Variants in ELMO1 observed in about 807,000 individuals in gnomAD.
ELMO1 encodes the protein engulfment and cell motility protein 1.
ELMO1 carries 26 observed loss-of-function variants against 98.9 expected under a neutral mutation model. The ratio of observed to expected loss-of-function variants is 0.26; its 90% CI spans 0.19 to 0.36. ELMO1 has a LOEUF of 0.36. Ranked by LOEUF, ELMO1 falls within the 10% of genes least tolerant of loss-of-function variation. The pLI is 1.00. For missense variants in ELMO1, 627 were observed against 935.2 expected (o/e 0.67, Z 4.30); for synonymous variants, 346 against 346.0 (o/e 1.00, Z 0.00).
At chr7:37,288,183 C>T (rs897967911) in intron 4 of ELMO1, among the ~76,000 whole-genome samples, 11 of 151,254 alleles carry the variant, frequency 7.3e-5, no homozygotes. Flanking sequence ...GGGTCTCAAA[C>T]TCCTGACCTC....
chr7:36,958,540 T>C (rs567809054), intron 16 of ELMO1, among the ~76,000 whole-genome samples: 1 of 152,316 alleles, frequency 6.6e-6, no homozygotes, highest in African/African-American at 2.4e-5. Context: ...AGATAACTTC[T>C]GTAATCAGAC....
chr7:37,053,285 AACACACACACACACAC>A (rs59573752), intron 15 of ELMO1, among the ~76,000 whole-genome samples: 26 of 138,868 alleles, frequency 1.9e-4, no homozygotes, highest in Middle Eastern at 3.7e-3. Context: ...CATTTGTTAA[AACACACACACACACAC>A]ACACACACAC....
intron 1 of ELMO1, among the ~76,000 whole-genome samples, chr7:37,363,940 A>G (rs2131335206): frequency 6.6e-6 from 1 of 152,042 alleles, no homozygotes; most frequent in South Asian, 2.1e-4. Flanking sequence ...GCCTAGAAGG[A>G]CTCTAACCCC....
chr7:37,100,392 T>C (rs1272793298), intron 14 of ELMO1, among the ~76,000 whole-genome samples: 4 of 152,236 alleles, frequency 2.6e-5, no homozygotes, highest in Admixed American at 2.6e-4. Flanking sequence ...CTTGTCGCTC[T>C]TCTCCAATTG....
intron 18 of ELMO1, among the ~76,000 whole-genome samples, chr7:36,885,319 A>AAACAACAACAACAAC (rs143571798): frequency 4.0e-5 from 6 of 150,250 alleles, no homozygotes; most frequent in African/African-American, 1.5e-4. Context: ...AACATTTTTT[A>AAACAACAACAACAAC]AACAACAACA....
chr7:36,872,831 A>C (rs991004484), intron 19 of ELMO1, among the ~76,000 whole-genome samples: 9 of 152,240 alleles, frequency 5.9e-5, no homozygotes, highest in African/African-American at 1.9e-4. Context: ...ATAGAGTTTG[A>C]GTCACAAGTG....
intron 20 of ELMO1, among the ~76,000 whole-genome samples, chr7:36,863,964 T>G (rs900166180): frequency 6.6e-6 from 1 of 152,162 alleles, no homozygotes. Context: ...GCTTGAGAGA[T>G]TGAAGAAAGA....
chr7:37,390,376 C>A (rs566868165), intron 1 of ELMO1, among the ~76,000 whole-genome samples: 1 of 152,260 alleles, frequency 6.6e-6, no homozygotes, highest in African/African-American at 2.4e-5. Flanking sequence ...CAGAACTCCT[C>A]CCATCAAGTA....
At chr7:37,007,843 G>T (rs1478127252) in intron 16 of ELMO1, among the ~76,000 whole-genome samples, 1 of 151,960 alleles carries the variant, frequency 6.6e-6, no homozygotes, top group Admixed American at 6.6e-5. Flanking sequence ...CTGCTCTCCC[G>T]TTCTTCCTAA....
chr7:36,934,257 T>C (rs1786309515), intron 16 of ELMO1, among the ~76,000 whole-genome samples: 1 of 152,088 alleles, frequency 6.6e-6, no homozygotes, highest in Non-Finnish European at 1.5e-5. Context: ...ACCAAGACAA[T>C]GAGAGAGGCT....
chr7:36,943,979 G>T (rs1369059956), intron 16 of ELMO1, among the ~76,000 whole-genome samples: 1 of 152,150 alleles, frequency 6.6e-6, no homozygotes, highest in African/African-American at 2.4e-5. Flanking sequence ...ACATAAAAAT[G>T]ATCAAGAAAA....
At chr7:37,406,901 T>C (rs1299053099) in intron 1 of ELMO1, among the ~76,000 whole-genome samples, 1 of 152,184 alleles carries the variant, frequency 6.6e-6, no homozygotes. Context: ...ACTCTTCAGA[T>C]AGGCAAAGAT....
chr7:37,408,048 AT>A (rs1446546788), intron 1 of ELMO1, among the ~76,000 whole-genome samples: 5 of 152,234 alleles, frequency 3.3e-5, no homozygotes, highest in Non-Finnish European at 7.3e-5. Context: ...TGAATTTTAC[AT>A]TGGTAAAGAA....
At chr7:37,435,452 C>T (rs757928530) in intron 1 of ELMO1, among the ~76,000 whole-genome samples, 9 of 152,298 alleles carry the variant, frequency 5.9e-5, no homozygotes, top group South Asian at 2.1e-4. Flanking sequence ...ATTCCTAATA[C>T]AACTTCTGGA....
At chr7:37,291,110 T>C (rs542447972) in intron 4 of ELMO1, among the ~76,000 whole-genome samples, 15 of 152,132 alleles carry the variant, frequency 9.9e-5, no homozygotes, top group Middle Eastern at 3.4e-3. Context: ...GTCATGGAAG[T>C]GGCAGATAGG....
chr7:37,290,975 T>A (rs775583614), intron 4 of ELMO1, among the ~76,000 whole-genome samples: 7 of 152,148 alleles, frequency 4.6e-5, no homozygotes, highest in Non-Finnish European at 8.8e-5. Flanking sequence ...AGACATTCAC[T>A]CTACTAGAAA....
At chr7:37,175,186 A>G (rs1056022035) in intron 13 of ELMO1, among the ~76,000 whole-genome samples, 1 of 152,180 alleles carries the variant, frequency 6.6e-6, no homozygotes, top group East Asian at 1.9e-4. Flanking sequence ...AAGGAGTGAA[A>G]GAAAAATAGG....
intron 1 of ELMO1, among the ~76,000 whole-genome samples, chr7:37,404,074 T>C (rs909246016): frequency 1.3e-5 from 2 of 151,854 alleles, no homozygotes; most frequent in Admixed American, 1.3e-4. Context: ...AAAAATAAAA[T>C]ATATTAATGG....
intron 4 of ELMO1, among the ~76,000 whole-genome samples, chr7:37,290,145 C>A (rs1797600313): frequency 6.6e-6 from 1 of 152,134 alleles, no homozygotes; most frequent in Non-Finnish European, 1.5e-5. Flanking sequence ...ATGTGGCTAT[C>A]CAGATGAATT....
Sources: gnomAD v4.1 joint callset for allele counts (sites outside exome capture counted in the v4.1 genomes callset) on GRCh38, gnomAD v4.1.1 for gene constraint, MANE v1.5 for transcripts, NCBI Gene and HGNC (gene_info 2026-07-23, HGNC 2026-07-21) for gene names.